The following CENPE variants were observed in gnomAD, a reference collection of about 807,000 sequenced individuals.
CENPE encodes centromere-associated protein E.
Under a neutral mutation model 336.1 loss-of-function variants are expected in CENPE, and 145 were observed. The ratio of observed to expected loss-of-function variants is 0.43; its 90% CI spans 0.38 to 0.50. CENPE has a LOEUF of 0.50. Ranked by LOEUF, CENPE falls within the 20% of genes least tolerant of loss-of-function variation. The pLI is 0.00. For missense variants in CENPE, 2,719 were observed against 3,023.3 expected (o/e 0.90, Z 2.36); for synonymous variants, 1,013 against 984.8 (o/e 1.03, Z -0.54).
chr4:103,140,888 G>T lies in CENPE; in HGVS notation c.5680C>A (p.Leu1894Ile). 1 of 1,612,394 alleles carries T rather than the reference G, an allele frequency of 6.2e-7. No individual in the cohort carries two copies. The highest frequency in any genetic ancestry group is 8.5e-7 in the Non-Finnish European group (1 of 1,179,120). Residue 1894 changes from leucine to isoleucine, a missense_variant, in exon 36 of 49, where the codon CTA (leucine) becomes ATA (isoleucine). Leu to Ile is a conservative substitution (Grantham distance 5). This residue lies in a region of CENPE where 2,437 missense variants were observed against 2,513.3 expected (regional missense o/e 0.97). Coordinates refer to ENST00000265148, the MANE Select transcript of CENPE (RefSeq NM_001813.3). ...TTGAGTGTCTCCTCTACTCTTCTTA[G>T]ATTATCTCTTTCTTTCATTACAGAT... is the stretch of plus-strand genomic sequence containing the variant. The part of the protein sequence containing the change: ...MKSVMKERDN[L>I]RRVEETLKLE...
intron 47 of CENPE, among the ~76,000 whole-genome samples, chr4:103,109,748 A>T (rs1749222676): frequency 6.6e-6 from 1 of 152,070 alleles, no homozygotes; most frequent in Non-Finnish European, 1.5e-5. Flanking sequence ...CTAAAATTTG[A>T]TCCCTCTATA....
rs1752831513 is a variant in CENPE at position 103,144,389 on chromosome 4, T to A, written c.5087A>T (p.Glu1696Val). The change falls in exon 33 of 49, where the codon GAG (glutamate) becomes GTG (valine). Residue 1696 changes from glutamate to valine, a missense_variant. Glu to Val is a moderately radical substitution (Grantham distance 121). This residue lies in a region of CENPE where 2,437 missense variants were observed against 2,513.3 expected (regional missense o/e 0.97). Coordinates refer to ENST00000265148, the MANE Select transcript of CENPE (RefSeq NM_001813.3). Reference protein sequence around the residue: ...KERDDLRSVEETLKVERDQLK... With the variant: ...KERDDLRSVEVTLKVERDQLK... ...CTGGTCTCTCTCTACTTTGAGAGTC[T>A]CCTCCACACTCCTAAGGTCATCTCT... The A allele has an allele frequency of 6.2e-7, 1 of 1,613,640 alleles. No individual in the cohort carries two copies. The highest frequency in any genetic ancestry group is 8.5e-7 in the Non-Finnish European group (1 of 1,179,768).
intron 47 of CENPE, 62 bp from the exon 48 acceptor site, chr4:103,109,151 AT>A: frequency 8.0e-7 from 1 of 1,249,318 alleles, no homozygotes; most frequent in Non-Finnish European, 1.1e-6. Context: ...ATGTATTCAC[AT>A]TTATATTTAA....
At chr4:103,128,639 AG>A (rs1418259050) in intron 42 of CENPE, among the ~76,000 whole-genome samples, 1 of 152,244 alleles carries the variant, frequency 6.6e-6, no homozygotes, top group Non-Finnish European at 1.5e-5. Context: ...TACGGGTCAC[AG>A]GAGAAATAAA....
Position 103,153,240 on chromosome 4 carries a change from A to G in CENPE, c.3044T>C (p.Ile1015Thr). 1 of 1,604,866 alleles carries G rather than the reference A, an allele frequency of 6.2e-7. No homozygotes were observed. Among genetic ancestry groups the G allele is most frequent in the Non-Finnish European group, 8.5e-7 (1 of 1,175,554 alleles). ...AGCTTCCAAATCCTGTTTTTTATCT[A>G]TGCCAACCATCTAAAACATAAACAC... ...KDEFQQKMVG[I>T]DKKQDLEAKN... is the part of the protein sequence containing the mutation. The change falls in exon 25 of 49, where the codon ATA (isoleucine) becomes ACA (threonine). Residue 1015 changes from isoleucine to threonine, a missense_variant. Ile to Thr is a moderately conservative substitution (Grantham distance 89, BLOSUM62 -1). Transcript: ENST00000265148.
chr4:103,183,124 T>C (rs184607343), intron 10 of CENPE, 77 bp downstream of exon 10: 89 of 1,085,192 alleles, frequency 8.2e-5, no homozygotes, highest in Middle Eastern at 4.1e-4. Flanking sequence ...CATTTGAGTG[T>C]CATCGAAATG....
chr4:103,105,931 G>C lies in CENPE; in HGVS notation c.*291C>G, dbSNP rs907275009. 5 of 211,428 alleles carry C rather than the reference G, an allele frequency of 2.4e-5. No homozygotes were observed. The highest frequency in any genetic ancestry group is 4.7e-5 in the Non-Finnish European group (5 of 107,014). 13.1% of individuals were successfully genotyped at this position (211,428 alleles called of 1,614,324 possible). On this transcript the variant is annotated 3_prime_UTR_variant, in exon 49 of 49. Transcript: ENST00000265148. The stretch of plus-strand genomic sequence containing the variant: ...GCTTTGGAATATGCTAAGTCATGTA[G>C]ATAACTTTACATTTCTTTCAATAAC...
At chr4:103,156,662 G>C (rs1332713199) in intron 24 of CENPE, among the ~76,000 whole-genome samples, 1 of 152,080 alleles carries the variant, frequency 6.6e-6, no homozygotes, top group Non-Finnish European at 1.5e-5. Context: ...TTCATGATAA[G>C]GGTCTTGGCA....
Position 103,140,038 on chromosome 4 carries a change from C to A in CENPE, c.5955G>T (p.Val1985=). 6.2e-7 allele frequency: 1 copy of A among 1,609,756 alleles called. No homozygotes were observed. Among genetic ancestry groups the A allele is most frequent in the Non-Finnish European group, 8.5e-7 (1 of 1,178,462 alleles). Residue 1985 remains valine, a synonymous_variant, in exon 38 of 49, where the codon GTG becomes GTT. Coordinates refer to ENST00000265148, the MANE Select transcript of CENPE (RefSeq NM_001813.3). ...LQKKELQLLR[V]KEDVNMSHKK... ...TATGACTCATATTGACATCTTCTTT[C>A]ACTCTAAGCAGTTGAAGTTCTTTTT...
At chr4:103,179,606 T>C (rs546677758) in intron 13 of CENPE, among the ~76,000 whole-genome samples, 6 of 152,352 alleles carry the variant, frequency 3.9e-5, no homozygotes, top group Admixed American at 1.3e-4. Context: ...TGGAAAGTGC[T>C]GTGTTGAGCT....
chr4:103,198,240 C>T (rs764762962), intron 1 of CENPE, 24 bp downstream of exon 1: 27 of 1,547,446 alleles, frequency 1.7e-5, no homozygotes, highest in African/African-American at 9.6e-5. Context: ...CAGCGGGCAC[C>T]GGGCCGTGGT....
At chr4:103,112,323 G>GTGTA (rs570592375) in intron 46 of CENPE, among the ~76,000 whole-genome samples, 2 of 145,036 alleles carry the variant, frequency 1.4e-5, no homozygotes, top group East Asian at 2.0e-4. Flanking sequence ...ACTTATAAGT[G>GTGTA]TATATATATA....
intron 9 of CENPE, among the ~76,000 whole-genome samples, chr4:103,184,971 T>C (rs1322466326): frequency 6.6e-6 from 1 of 152,146 alleles, no homozygotes; most frequent in Non-Finnish European, 1.5e-5. Flanking sequence ...TGCTTCTCCA[T>C]TTTTTCAAGT....
At chr4:103,127,088 G>A (rs1247360654) in intron 42 of CENPE, among the ~76,000 whole-genome samples, 2 of 141,804 alleles carry the variant, frequency 1.4e-5, no homozygotes, top group African/African-American at 5.2e-5. Context: ...ATGCTAAACG[G>A]GACAAATATA....
chr4:103,163,452 A>G, intron 17 of CENPE, 27 bp downstream of exon 17: 1 of 1,497,420 alleles, frequency 6.7e-7, no homozygotes, highest in Non-Finnish European at 9.3e-7. Flanking sequence ...ATTGCTTATC[A>G]ATAGAAATAC....
At chr4:103,136,788 A>C (rs1277305063) in intron 39 of CENPE, among the ~76,000 whole-genome samples, 1 of 152,184 alleles carries the variant, frequency 6.6e-6, no homozygotes, top group Non-Finnish European at 1.5e-5. Flanking sequence ...GTGATTAAGA[A>C]TCAAACCACC....
At chr4:103,175,469 G>A (rs1332041425) in intron 15 of CENPE, among the ~76,000 whole-genome samples, 2 of 151,938 alleles carry the variant, frequency 1.3e-5, no homozygotes, top group East Asian at 3.8e-4. Flanking sequence ...ATAATAAGTA[G>A]TAATGCAATT....
intron 42 of CENPE, among the ~76,000 whole-genome samples, chr4:103,130,393 G>T (rs1751482507): frequency 6.6e-6 from 1 of 151,990 alleles, no homozygotes; most frequent in East Asian, 1.9e-4. Flanking sequence ...AGTGTAATTT[G>T]AAATTAAAAA....
intron 13 of CENPE, 68 bp downstream of exon 13, chr4:103,180,243 A>G: frequency 1.4e-6 from 2 of 1,410,282 alleles, no homozygotes; most frequent in Non-Finnish European, 1.9e-6. Flanking sequence ...ATACTATATA[A>G]TAAACATATA....
Sources: gnomAD v4.1 joint callset for allele counts (sites outside exome capture counted in the v4.1 genomes callset) on GRCh38, gnomAD v4.1.1 for gene constraint, gnomAD v4.1.1 regional missense constraint, MANE v1.5 for transcripts, NCBI Gene and HGNC (gene_info 2026-07-23, HGNC 2026-07-21) for gene names.